The following AGBL4 variants were observed in gnomAD, a reference collection of about 807,000 sequenced individuals.
AGBL4 encodes the protein AGBL carboxypeptidase 4.
Under a neutral mutation model 66.4 loss-of-function variants are expected in AGBL4, and 58 were observed. That is an observed-to-expected ratio of 0.87 (90% CI 0.71 to 1.09). The LOEUF is 1.09. Ranked by LOEUF, AGBL4 falls within the 50% of genes least tolerant of loss-of-function variation. The pLI, the probability that AGBL4 is intolerant of heterozygous loss-of-function variation, is 0.00. For missense variants in AGBL4, 579 were observed against 631.0 expected, an observed-to-expected ratio of 0.92 and a Z score of 0.88; for synonymous variants, 234 against 222.9, an observed-to-expected ratio of 1.05 and a Z score of -0.44.
chr1:48,789,815 C>T (rs12407949), intron 6 of AGBL4, among the ~76,000 whole-genome samples: 3,796 of 152,194 alleles, frequency 0.025, 130 homozygotes, highest in Admixed American at 0.11. Flanking sequence ...AGACTCTTGG[C>T]GAGAGGAACA....
At chr1:49,938,007 G>A (rs1407135441) in intron 1 of AGBL4, among the ~76,000 whole-genome samples, 1 of 150,394 alleles carries the variant, frequency 6.6e-6, no homozygotes, top group African/African-American at 2.5e-5. Flanking sequence ...GAGCAGAACT[G>A]AAGAAAATAG....
At chr1:49,267,402 G>A (rs1272669293) in intron 3 of AGBL4, among the ~76,000 whole-genome samples, 1 of 152,030 alleles carries the variant, frequency 6.6e-6, no homozygotes, top group East Asian at 1.9e-4. Flanking sequence ...TACCCAAGGC[G>A]AGGCACGGTG....
intron 3 of AGBL4, among the ~76,000 whole-genome samples, chr1:49,612,212 C>T (rs543744748): frequency 2.0e-5 from 3 of 151,994 alleles, no homozygotes; most frequent in African/African-American, 7.3e-5. Flanking sequence ...GTTTGAAAGC[C>T]CCTATGCAGA....
intron 6 of AGBL4, chr1:48,728,126 C>T: frequency 3.1e-6 from 4 of 1,274,602 alleles, no homozygotes; most frequent in Non-Finnish European, 4.3e-6. Context: ...GAAAATGTAC[C>T]TCCCAACATA....
chr1:49,341,088 T>A (rs1645530505), intron 3 of AGBL4, among the ~76,000 whole-genome samples: 1 of 152,176 alleles, frequency 6.6e-6, no homozygotes, highest in Admixed American at 6.5e-5. Context: ...CTTTCAGGAA[T>A]GCCCTAATCT....
chr1:49,515,268 C>G (rs1164736368), intron 3 of AGBL4, among the ~76,000 whole-genome samples: 2 of 152,036 alleles, frequency 1.3e-5, no homozygotes, highest in Non-Finnish European at 2.9e-5. Flanking sequence ...ATTTATGCAG[C>G]CAAAAGACGC....
intron 3 of AGBL4, among the ~76,000 whole-genome samples, chr1:49,658,027 AG>A (rs1469636894): frequency 6.6e-6 from 1 of 152,202 alleles, no homozygotes; most frequent in Non-Finnish European, 1.5e-5. Context: ...TAAACTAAAG[AG>A]CTTCTGCACA....
At chr1:49,534,402 G>A (rs1023062085) in intron 3 of AGBL4, among the ~76,000 whole-genome samples, 4 of 152,062 alleles carry the variant, frequency 2.6e-5, no homozygotes, top group African/African-American at 9.7e-5. Flanking sequence ...TCCCTGCCCA[G>A]GCTATAATAT....
At chr1:48,523,920 G>A in the AGBL4 span, among the ~76,000 whole-genome samples, 2 of 152,174 alleles carry the variant, frequency 1.3e-5, no homozygotes, top group Non-Finnish European at 2.9e-5. Context: ...TCTACTGAAT[G>A]CTGTAGGCAA....
intron 3 of AGBL4, among the ~76,000 whole-genome samples, chr1:49,471,024 C>G (rs1322500126): frequency 3.9e-5 from 6 of 151,978 alleles, no homozygotes; most frequent in Admixed American, 2.0e-4. Flanking sequence ...TTTATAGATG[C>G]TCTGTGTAAG....
At chr1:49,269,357 T>A (rs1008900282) in intron 3 of AGBL4, 5 of 152,226 alleles carry the variant, frequency 3.3e-5, no homozygotes, top group Non-Finnish European at 7.3e-5. Flanking sequence ...CAAAAATATA[T>A]TTATTTGACA....
intron 1 of AGBL4, among the ~76,000 whole-genome samples, chr1:49,882,189 G>C (rs1351398843): frequency 6.6e-6 from 1 of 150,930 alleles, no homozygotes; most frequent in Admixed American, 6.6e-5. Flanking sequence ...TCAAAGATCA[G>C]ATAGTTGTAG....
intron 5 of AGBL4, among the ~76,000 whole-genome samples, chr1:49,029,875 C>T (rs554091647): frequency 6.6e-6 from 1 of 152,098 alleles, no homozygotes; most frequent in Non-Finnish European, 1.5e-5. Context: ...TAAACTCTTA[C>T]ATGTATAGTC....
At chr1:48,579,781 G>T (rs1309657659) in intron 11 of AGBL4, among the ~76,000 whole-genome samples, 1 of 150,696 alleles carries the variant, frequency 6.6e-6, no homozygotes, top group Admixed American at 6.6e-5. Flanking sequence ...AGCCGGGCAC[G>T]GTGGCGGGCG....
intron 5 of AGBL4, among the ~76,000 whole-genome samples, chr1:48,899,535 T>C (rs1448659574): frequency 6.6e-6 from 1 of 152,162 alleles, no homozygotes; most frequent in Non-Finnish European, 1.5e-5. Context: ...AGAGATTTTC[T>C]CAAGATACCA....
At chr1:49,530,284 T>TAAAAAAAAAAAAAAAAAAA (rs1570959521) in intron 3 of AGBL4, among the ~76,000 whole-genome samples, 3 of 35,786 alleles carry the variant, frequency 8.4e-5, no homozygotes, top group African/African-American at 1.1e-4. Flanking sequence ...AAAAAAAAAC[T>TAAAAAAAAAAAAAAAAAAA]CTATGAGTTT....
intron 5 of AGBL4, among the ~76,000 whole-genome samples, chr1:48,957,030 T>A (rs1657508074): frequency 6.6e-6 from 1 of 152,206 alleles, no homozygotes; most frequent in African/African-American, 2.4e-5. Flanking sequence ...TACTTCATAT[T>A]TTTTAAAGAA....
At position 48,606,856 on chromosome 1, in the gene AGBL4, T is replaced by A. The variant is rs1405192424; in HGVS notation, c.952-15871A>T. 2.0e-5 allele frequency among the ~76,000 whole-genome samples: 3 copies of A among 152,134 alleles called. 1 individual carries two copies. The highest frequency in any genetic ancestry group is 7.2e-5 in the African/African-American group (3 of 41,416). On this transcript the variant is annotated intron_variant, in intron 9 of 13. Coordinates refer to ENST00000371839, the MANE Select transcript of AGBL4 (RefSeq NM_032785.4). ...ACAAGAGGAAACTATGCATACACCC[T>A]GGAAACTATATGTGCACTGCTGTAA...
intron 6 of AGBL4, among the ~76,000 whole-genome samples, chr1:48,693,377 T>A (rs1197117673): frequency 6.6e-6 from 1 of 152,130 alleles, no homozygotes; most frequent in African/African-American, 2.4e-5. Flanking sequence ...CTTAACACGG[T>A]GGTGGATGAA....
Sources: gnomAD v4.1 joint callset for allele counts (sites outside exome capture counted in the v4.1 genomes callset) on GRCh38, gnomAD v4.1.1 for gene constraint, MANE v1.5 for transcripts, NCBI Gene and HGNC (gene_info 2026-07-23, HGNC 2026-07-21) for gene names.